The following OAS2 variants were observed in gnomAD, a reference collection of about 807,000 sequenced individuals.
OAS2 encodes 2'-5'-oligoadenylate synthase 2.
A neutral mutation model predicts 71.3 loss-of-function variants in OAS2; 67 were observed. That is an observed-to-expected ratio of 0.94 (90% CI 0.77 to 1.15). The LOEUF (loss-of-function observed/expected upper bound fraction) is 1.15, where lower values mean the gene tolerates loss of function less well. Ranked by LOEUF, OAS2 falls within the 50% of genes most tolerant of loss-of-function variation. The pLI is 0.00. For missense variants in OAS2, 789 were observed against 822.5 expected (o/e 0.96, Z 0.50); for synonymous variants, 327 against 321.8 (o/e 1.02, Z -0.17).
chr12:113,010,122 C>A lies in OAS2; in HGVS notation c.*867C>A. The stretch of plus-strand genomic sequence containing the variant: ...GAGACTTTATCATGTGTCTTCTGCC[C>A]TAGGTGAGAACCCTTGCACTAGAGG... On this transcript the variant is annotated 3_prime_UTR_variant, in exon 10 of 10. Coordinates refer to ENST00000392583, the MANE Select transcript of OAS2 (RefSeq NM_002535.3). 8.4e-7 allele frequency: 1 copy of A among 1,189,592 alleles called. No homozygotes were observed. The allele number at this position is 1,189,592 out of a possible 1,614,324, so 73.7% of individuals were successfully genotyped here. A position where few individuals can be genotyped will look rare whatever the true frequency, so the allele number is the denominator to read the frequency against.
intron 3 of OAS2, among the ~76,000 whole-genome samples, chr12:112,997,170 T>C (rs1330638471): frequency 6.6e-6 from 1 of 152,236 alleles, no homozygotes; most frequent in Non-Finnish European, 1.5e-5. Flanking sequence ...TTTTTTTCAC[T>C]GCTCCTGTAG....
At position 112,987,088 on chromosome 12, in the gene OAS2, C is replaced by A. The variant is rs2072138; in HGVS notation, c.228C>A (p.Thr76=). The A allele has an allele frequency of 1.1e-5, 17 of 1,613,932 alleles. No homozygotes were observed. Among genetic ancestry groups the A allele is most frequent in the Middle Eastern group, 1.6e-4 (1 of 6,062 alleles). The change falls in exon 2 of 10, where the codon ACC becomes ACA. Residue 76 remains threonine, a synonymous_variant. Coordinates refer to ENST00000392583, the MANE Select transcript of OAS2 (RefSeq NM_002535.3). ...TCTTAAGAGGCAACTCCGATGGTAC[C>A]CTTGTCCTCTTCTTCAGTGACTTAA... is the stretch of plus-strand genomic sequence containing the variant. ...KTVLRGNSDG[T]LVLFFSDLKQ... is the part of the protein sequence containing the mutation.
intron 1 of OAS2, among the ~76,000 whole-genome samples, chr12:112,983,679 T>G (rs569752211): frequency 6.6e-6 from 1 of 152,366 alleles, no homozygotes; most frequent in African/African-American, 2.4e-5. Context: ...TCCAGAAATT[T>G]TTTGATTTCC....
Position 112,987,878 on chromosome 12 carries a change from A to T in OAS2, c.448+570A>T, listed in dbSNP as rs570859835. 13 of 985,646 alleles carry T rather than the reference A, an allele frequency of 1.3e-5. No homozygotes were observed. The African/African-American group carries it at 2.3e-4, about 17-fold the overall frequency. The allele number at this position is 985,646 out of a possible 1,614,324, so 61.1% of individuals were successfully genotyped here. A position where few individuals can be genotyped will look rare whatever the true frequency, so the allele number is the denominator to read the frequency against. On this transcript the variant is annotated intron_variant, in intron 2 of 9. Transcript: ENST00000392583. ...TGAACCCAACTCCTAAATCCCTAAG[A>T]CCTGCCCACCTCTTGTGTCTCCTGT...
At chr12:112,981,296 C>A (rs770702704) in intron 1 of OAS2, among the ~76,000 whole-genome samples, 7 of 152,128 alleles carry the variant, frequency 4.6e-5, no homozygotes, top group African/African-American at 9.7e-5. Context: ...CTTGCATAGA[C>A]CAATATCATG....
At position 113,006,583 on chromosome 12, in the gene OAS2, A is replaced by C. The variant is rs1027231866; in HGVS notation, c.1639A>C (p.Lys547Gln). 4 of 1,606,372 alleles carry C rather than the reference A, an allele frequency of 2.5e-6. No individual in the cohort carries two copies. Among genetic ancestry groups the C allele is most frequent in the Non-Finnish European group, 3.4e-6 (4 of 1,174,172 alleles). Residue 547 changes from lysine to glutamine, a missense_variant, in exon 8 of 10, where the codon AAG (lysine) becomes CAG (glutamine). Coordinates refer to ENST00000392583, the MANE Select transcript of OAS2 (RefSeq NM_002535.3). ...TKLKDLIRLV[K>Q]HWYKECERKL... The stretch of plus-strand genomic sequence containing the variant: ...ACTAAAGGATTTAATTCGCCTGGTG[A>C]AGCACTGGTACAAAGAGGTAAGGAC...
chr12:112,988,767 A>G (rs2044164246), intron 2 of OAS2: 1 of 980,286 alleles, frequency 1.0e-6, no homozygotes, highest in Admixed American at 6.2e-5. Context: ...CCTACCCTGT[A>G]ACAAAGTCGT....
At chr12:112,998,548 A>G in intron 5 of OAS2, 138 bp downstream of exon 5, 1 of 946,800 alleles carries the variant, frequency 1.1e-6, no homozygotes, top group Non-Finnish European at 1.5e-6. Flanking sequence ...AGATGGCTTA[A>G]AGCCACAGAA....
intron 2 of OAS2, among the ~76,000 whole-genome samples, chr12:112,991,520 C>G (rs964190172): frequency 1.4e-5 from 2 of 140,242 alleles, no homozygotes; most frequent in African/African-American, 4.9e-5. Flanking sequence ...CAATGGTTCA[C>G]TCCGGAAAGG....
chr12:112,990,744 G>A (rs1028714729), intron 2 of OAS2, among the ~76,000 whole-genome samples: 2 of 152,188 alleles, frequency 1.3e-5, no homozygotes, highest in African/African-American at 4.8e-5. Context: ...AGTTAGGCTG[G>A]AATTTGGTGT....
chr12:112,991,724 T>C (rs1040121831), intron 2 of OAS2, among the ~76,000 whole-genome samples: 14 of 152,202 alleles, frequency 9.2e-5, no homozygotes, highest in African/African-American at 3.1e-4. Flanking sequence ...TCCTGAGAAG[T>C]TCCCAGCTTG....
At chr12:112,999,854 T>C (rs1370895979) in intron 5 of OAS2, among the ~76,000 whole-genome samples, 1 of 152,250 alleles carries the variant, frequency 6.6e-6, no homozygotes, top group African/African-American at 2.4e-5. Flanking sequence ...GTGCAACATT[T>C]GCTATGTTAC....
At chr12:112,989,914 C>A (rs1210663240) in intron 2 of OAS2, among the ~76,000 whole-genome samples, 2 of 152,210 alleles carry the variant, frequency 1.3e-5, no homozygotes, top group East Asian at 3.8e-4. Context: ...CTAAGTCCTG[C>A]CAGTTCTGCC....
In OAS2 at chr12:112,978,926, G is replaced by A. The variant is rs1310856042; in HGVS notation, c.177+141G>A. ...TGTGGTGTAGGAGTCTCAGGCTCTG[G>A]AGCAGGCGCTTGCTCCAGAGCTGTG... On this transcript the variant is annotated intron_variant, in intron 1 of 9. Coordinates refer to ENST00000392583, the MANE Select transcript of OAS2 (RefSeq NM_002535.3). The surrounding 1 kb of genome is among the most constrained non-coding windows in gnomAD (Gnocchi z 4.2). 9 of 764,430 alleles carry A rather than the reference G, an allele frequency of 1.2e-5. 1 individual carries two copies. The highest frequency in any genetic ancestry group is 3.9e-4 in the Middle Eastern group (1 of 2,532). 47.4% of individuals were successfully genotyped at this position (764,430 alleles called of 1,614,324 possible). A position where few individuals can be genotyped will look rare whatever the true frequency, so the allele number is the denominator to read the frequency against.
intron 7 of OAS2, among the ~76,000 whole-genome samples, chr12:113,005,641 G>A (rs1460167023): frequency 6.6e-6 from 1 of 151,754 alleles, no homozygotes; most frequent in Non-Finnish European, 1.5e-5. Context: ...GCCGAGGCGG[G>A]AAGATTGCTT....
At chr12:113,001,172 C>T (rs1003737091) in intron 5 of OAS2, among the ~76,000 whole-genome samples, 3 of 151,500 alleles carry the variant, frequency 2.0e-5, no homozygotes, top group Admixed American at 6.6e-5. Flanking sequence ...AACAATACCC[C>T]GTCTCTACAA....
In OAS2 at chr12:112,978,767, G is replaced by C; in HGVS notation, c.159G>C (p.Leu53=). The C allele has an allele frequency of 1.2e-6, 2 of 1,613,664 alleles. No homozygotes were observed. Among genetic ancestry groups the C allele is most frequent in the Non-Finnish European group, 8.5e-7 (1 of 1,179,748 alleles). ...DVLQEPEQFP[L]VQGVAIGGSY... ...TGCAGGAACCCGAACAGTTCCCCCT[G>C]GTGCAGGGAGTGGCCATAGTGAGTC... is the stretch of plus-strand genomic sequence containing the variant. Residue 53 remains leucine (L), a synonymous_variant, in exon 1 of 10, where the codon CTG becomes CTC. Coordinates refer to ENST00000392583, the MANE Select transcript of OAS2 (RefSeq NM_002535.3). This position sits in a 1 kb window ranked among gnomAD's most constrained non-coding sequence, Gnocchi z 4.2.
chr12:112,995,411 T>G lies in OAS2; in HGVS notation c.564T>G (p.Phe188Leu), dbSNP rs957140982. ...AVCFTELQQK[F>L]FDNRPGKLKD... is the part of the protein sequence containing the mutation. ...GCTTCACTGAACTCCAGCAGAAGTT[T>G]TTTGACAACCGTCCTGGAAAACTAA... The change falls in exon 3 of 10, where the codon TTT becomes TTG. Residue 188 changes from phenylalanine to leucine, a missense_variant. Coordinates refer to ENST00000392583, the MANE Select transcript of OAS2 (RefSeq NM_002535.3). 4 of 1,614,064 alleles carry G rather than the reference T, an allele frequency of 2.5e-6. No individual in the cohort carries two copies. Among genetic ancestry groups the G allele is most frequent in the Non-Finnish European group, 2.5e-6 (3 of 1,180,012 alleles).
At chr12:113,006,808 T>C (rs796930265) in intron 8 of OAS2, among the ~76,000 whole-genome samples, 4 of 152,260 alleles carry the variant, frequency 2.6e-5, no homozygotes, top group African/African-American at 9.6e-5. Context: ...CTGCTACATG[T>C]GGTTTACTTT....
Sources: gnomAD v4.1 joint callset for allele counts (sites outside exome capture counted in the v4.1 genomes callset) on GRCh38, gnomAD v4.1.1 for gene constraint, Gnocchi (gnomAD v3.1) non-coding constraint, MANE v1.5 for transcripts, NCBI Gene and HGNC (gene_info 2026-07-23, HGNC 2026-07-21) for gene names.